Variants in ELL observed in about 807,000 individuals in gnomAD.
ELL encodes elongation factor for RNA polymerase II, also known as RNA polymerase II elongation factor ELL.
A neutral mutation model predicts 64.0 loss-of-function variants in ELL; 18 were observed. The ratio of observed to expected loss-of-function variants is 0.28; its 90% CI spans 0.19 to 0.42. The LOEUF (loss-of-function observed/expected upper bound fraction) is 0.42. ELL is among the 10% of genes least tolerant of loss of function. ELL has a pLI of 1.00. For synonymous variants in ELL, 399 were observed against 376.2 expected, an observed-to-expected ratio of 1.06 and a Z score of -0.70; for missense variants, 797 against 870.4, an observed-to-expected ratio of 0.92 and a Z score of 1.06.
In ELL at chr19:18,449,860, C is replaced by T. The variant is rs1974485134; in HGVS notation, c.1465+617G>A. Among the ~76,000 whole-genome samples the T allele has an allele frequency of 6.6e-6, 1 of 152,236 alleles. No individual in the cohort carries two copies. ...CCACGGTGCTAGGCGGGTGCTACTG[C>T]TGCTCAGTTTAGGTGCCTGGGCTGT... is the stretch of plus-strand genomic sequence containing the variant. On this transcript the variant is annotated intron_variant, in intron 8 of 11. Transcript: ENST00000262809. This position sits in a 1 kb window ranked among gnomAD's most constrained non-coding sequence, Gnocchi z 4.4.
chr19:18,487,392 TTG>T (rs760548803), intron 1 of ELL, among the ~76,000 whole-genome samples: 11 of 152,176 alleles, frequency 7.2e-5, no homozygotes, highest in Non-Finnish European at 1.2e-4. Context: ...GCAGCTGGGT[TTG>T]GGGGACAGTT....
In ELL at chr19:18,501,208, C is replaced by T. The variant is rs917699403; in HGVS notation, c.135+20713G>A. Among the ~76,000 whole-genome samples, 7 of 152,108 alleles carry T rather than the reference C, an allele frequency of 4.6e-5. No individual in the cohort carries two copies. Among genetic ancestry groups the T allele is most frequent in the South Asian group, 2.1e-4 (1 of 4,826 alleles). ...CTGTGACACAGTGAACCCCACTCCA[C>T]GCCAAACCACCCAATGGGAAACAGT... On this transcript the variant is annotated intron_variant, in intron 1 of 11. Coordinates refer to ENST00000262809, the MANE Select transcript of ELL (RefSeq NM_006532.4). The surrounding 1 kb of genome is among the most constrained non-coding windows in gnomAD (Gnocchi z 4.5).
intron 1 of ELL, among the ~76,000 whole-genome samples, chr19:18,512,448 G>T (rs1976045035): frequency 1.3e-5 from 2 of 152,030 alleles, no homozygotes; most frequent in Non-Finnish European, 1.5e-5. Flanking sequence ...GACCACCCTG[G>T]GCAACATGGT....
chr19:18,479,092 C>CTGG (rs1975237254), intron 1 of ELL, among the ~76,000 whole-genome samples: 2 of 152,180 alleles, frequency 1.3e-5, no homozygotes, highest in Admixed American at 6.5e-5. Flanking sequence ...GCCGAGTGAC[C>CTGG]AGTTTACAGG....
chr19:18,517,758 ATGC>A (rs1976159254), intron 1 of ELL, among the ~76,000 whole-genome samples: 1 of 151,966 alleles, frequency 6.6e-6, no homozygotes, highest in South Asian at 2.1e-4. Context: ...ACAATGGCTC[ATGC>A]CTGTAGTCCC....
intron 4 of ELL, among the ~76,000 whole-genome samples, chr19:18,463,375 C>T (rs1974869474): frequency 7.5e-6 from 1 of 133,954 alleles, no homozygotes; most frequent in Non-Finnish European, 1.5e-5. Flanking sequence ...CACTCTGTTG[C>T]GCAGGCTGGA....
At position 18,450,570 on chromosome 19, in the gene ELL, T is replaced by C. The variant is rs1362661207; in HGVS notation, c.1372A>G (p.Lys458Glu). Residue 458 changes from lysine (K) to glutamate (E), a missense_variant, in exon 8 of 12, where the codon AAG becomes GAG. Physicochemically the swap from Lys to Glu is moderately conservative, Grantham distance 56. Coordinates refer to ENST00000262809, the MANE Select transcript of ELL (RefSeq NM_006532.4). ...PKKKSKKHKD[K>E]ERAAEDKPRA... Reference sequence around the variant, plus strand: ...GGCTTGTCCTCAGCCGCCCTCTCCTTGTCTTTGTGCTTCTTGGACTTCTTC... The same window carrying C: ...GGCTTGTCCTCAGCCGCCCTCTCCTCGTCTTTGTGCTTCTTGGACTTCTTC... 1.2e-6 allele frequency: 2 copies of C among 1,613,006 alleles called. No homozygotes were observed. The highest frequency in any genetic ancestry group is 2.7e-5 in the African/African-American group (2 of 75,006).
chr19:18,478,490 C>T (rs1424380784), intron 1 of ELL, among the ~76,000 whole-genome samples: 1 of 152,218 alleles, frequency 6.6e-6, no homozygotes, highest in African/African-American at 2.4e-5. Flanking sequence ...CCCACAAGTC[C>T]TCTCAGGCCC....
chr19:18,460,728 C>T (rs1391458473), intron 5 of ELL, among the ~76,000 whole-genome samples: 5 of 152,218 alleles, frequency 3.3e-5, no homozygotes, highest in Non-Finnish European at 5.9e-5. Flanking sequence ...TTGCTGCAGG[C>T]ATCACCTGTG....
At position 18,461,767 on chromosome 19, in the gene ELL, C is replaced by G. The variant is rs528986796; in HGVS notation, c.555G>C (p.Ala185=). ...SRKRATPINL[A]SAIRKSGASA... is the part of the protein sequence containing the mutation. ...TGGCACCACTCTTCCTGATGGCACT[C>G]GCCAAGTTGATGGGGGTTGCCCGCT... Residue 185 remains alanine, a synonymous_variant, in exon 5 of 12, where the codon GCG becomes GCC. Transcript: ENST00000262809. 2 of 1,614,100 alleles carry G rather than the reference C, an allele frequency of 1.2e-6. No individual in the cohort carries two copies. Among genetic ancestry groups the G allele is most frequent in the Non-Finnish European group, 8.5e-7 (1 of 1,180,042 alleles).
In ELL at chr19:18,448,992, T is replaced by A. The variant is rs539229289; in HGVS notation, c.1465+1485A>T. On this transcript the variant is annotated intron_variant, in intron 8 of 11. Transcript: ENST00000262809. ...TACCACCTTCAGGACTCTGGTAACA[T>A]GGACCACCAGCACCAGGCTCAGCTT... is the stretch of plus-strand genomic sequence containing the variant. Among the ~76,000 whole-genome samples, 43 of 152,306 alleles carry A rather than the reference T, an allele frequency of 2.8e-4. 1 individual carries two copies. In the South Asian group the frequency reaches 8.9e-3, roughly 32 times the overall value.
At chr19:18,466,900 G>A (rs1020011505) in intron 2 of ELL, among the ~76,000 whole-genome samples, 3 of 152,148 alleles carry the variant, frequency 2.0e-5, no homozygotes, top group South Asian at 2.1e-4. Context: ...CCATGAGCGC[G>A]GGAGAGACTG....
At position 18,458,361 on chromosome 19, in the gene ELL, G is replaced by A. The variant is rs770309503; in HGVS notation, c.745-32C>T. 21 of 1,599,324 alleles carry A rather than the reference G, an allele frequency of 1.3e-5. No homozygotes were observed. The South Asian group carries it at 2.3e-4, about 18-fold the overall frequency. On this transcript the variant is annotated intron_variant, in intron 5 of 11. Coordinates refer to ENST00000262809, the MANE Select transcript of ELL (RefSeq NM_006532.4). Reference sequence around the variant, plus strand: ...GACAGAGCCAGCCATCACTTTGTGGGAATCCTGAGAGAGACGGGGGACTAG... The same window carrying A: ...GACAGAGCCAGCCATCACTTTGTGGAAATCCTGAGAGAGACGGGGGACTAG...
intron 1 of ELL, among the ~76,000 whole-genome samples, chr19:18,516,566 G>C (rs1976135326): frequency 6.6e-6 from 1 of 150,606 alleles, no homozygotes; most frequent in Admixed American, 6.6e-5. Flanking sequence ...ATCCCGCCCT[G>C]AGCCATGGGC....
At chr19:18,451,045 C>A (rs1974521028) in intron 7 of ELL, 70 bp from the exon 8 acceptor site, 1 of 1,446,524 alleles carries the variant, frequency 6.9e-7, no homozygotes, top group Non-Finnish European at 9.1e-7. Flanking sequence ...AATCCCCTGG[C>A]CTGGCTAGAA....
chr19:18,451,359 G>C (rs969627193), intron 7 of ELL, among the ~76,000 whole-genome samples, 193 bp downstream of exon 7: 2 of 152,234 alleles, frequency 1.3e-5, no homozygotes, highest in Non-Finnish European at 1.5e-5. Context: ...GGGTGCTGCG[G>C]CCACACTGGC....
chr19:18,453,270 G>A (rs558853882), intron 6 of ELL, among the ~76,000 whole-genome samples: 9 of 152,300 alleles, frequency 5.9e-5, no homozygotes, highest in African/African-American at 1.9e-4. Context: ...CCGAGACTCC[G>A]TCTCAAAAAC....
intron 1 of ELL, among the ~76,000 whole-genome samples, chr19:18,518,272 G>A (rs1976171884): frequency 6.6e-6 from 1 of 152,110 alleles, no homozygotes. Flanking sequence ...GGCTGAGGCA[G>A]GGAAATCACT....
rs73011470 is a variant in ELL at position 18,470,719 on chromosome 19, G to A, written c.183+2116C>T. 1.8e-3 allele frequency among the ~76,000 whole-genome samples: 276 copies of A among 152,250 alleles called. 2 individuals are homozygous for A. The Middle Eastern group carries it at 0.02, about 11-fold the overall frequency. ...AAAGCAAGTAAAGGAGATGACCCTC[G>A]ATGGTCTGGGTGGTCCCATCGAATC... On this transcript the variant is annotated intron_variant, in intron 2 of 11. Coordinates refer to ENST00000262809, the MANE Select transcript of ELL (RefSeq NM_006532.4).
Sources: gnomAD v4.1 joint callset for allele counts (sites outside exome capture counted in the v4.1 genomes callset) on GRCh38, gnomAD v4.1.1 for gene constraint, Gnocchi (gnomAD v3.1) non-coding constraint, MANE v1.5 for transcripts, NCBI Gene and HGNC (gene_info 2026-07-23, HGNC 2026-07-21) for gene names.